EFEMP1: variants seen among roughly 807,000 people sequenced by gnomAD.
The protein encoded by EFEMP1 is EGF-containing fibulin-like extracellular matrix protein 1.
In EFEMP1, 18 loss-of-function variants were observed where a neutral mutation model predicts 65.7. The ratio of observed to expected loss-of-function variants is 0.27; its 90% CI spans 0.19 to 0.41. EFEMP1 has a LOEUF of 0.41. Among genes scored for constraint, EFEMP1 ranks in the 10% least tolerant of loss-of-function variants. The pLI, the probability that EFEMP1 is intolerant of heterozygous loss-of-function variation, is 1.00. For missense variants in EFEMP1, 469 were observed against 624.8 expected (o/e 0.75, Z 2.66); for synonymous variants, 237 against 219.7 (o/e 1.08, Z -0.70).
chr2:55,917,904 C>G lies in EFEMP1; in HGVS notation c.278G>C (p.Gly93Ala). The G allele has an allele frequency of 6.2e-7, 1 of 1,614,146 alleles. No individual in the cohort carries two copies. The highest frequency in any genetic ancestry group is 8.5e-7 in the Non-Finnish European group (1 of 1,180,024). Residue 93 changes from glycine (G) to alanine (A), a missense_variant, in exon 5 of 12, where the codon GGA becomes GCA. By Grantham distance (60) the Gly-to-Ala change is moderately conservative. Around this residue, in one of 3 missense-constraint regions of EFEMP1, gnomAD observed 399 missense variants for 528.2 expected, o/e 0.76. Coordinates refer to ENST00000355426, the MANE Select transcript of EFEMP1 (RefSeq NM_001039348.3). This position sits in a 1 kb window ranked among gnomAD's most constrained non-coding sequence, Gnocchi z 6.3. ...QPQQETQPAE[G>A]TSGATTGVVA... is the part of the protein sequence containing the mutation. ...AACCCCGGTGGTTGCCCCTGAGGTT[C>G]CTTCTGCTGGTTGTGTTTCCTGCTG...
Position 55,870,614 on chromosome 2 carries a change from G to T in EFEMP1, c.1320+106C>A. ...TGCCTACACATAAGACACTTTAAATGTTTGCTTTCCTTCCACATGTGGATA... is the reference window on the plus strand; with the variant it reads ...TGCCTACACATAAGACACTTTAAATTTTTGCTTTCCTTCCACATGTGGATA... On this transcript the variant is annotated intron_variant, in intron 11 of 11. Transcript: ENST00000355426. The surrounding 1 kb of genome is among the most constrained non-coding windows in gnomAD (Gnocchi z 5.8). The T allele has an allele frequency of 7.1e-7, 1 of 1,399,542 alleles. No individual in the cohort carries two copies. The highest frequency in any genetic ancestry group is 1.0e-6 in the Non-Finnish European group (1 of 997,748). 86.7% of individuals were successfully genotyped at this position (1,399,542 alleles called of 1,614,324 possible). A position where few individuals can be genotyped will look rare whatever the true frequency, so the allele number is the denominator to read the frequency against.
At position 55,877,144 on chromosome 2, in the gene EFEMP1, C is replaced by G. The variant is rs1382543701; in HGVS notation, c.761-402G>C. ...TATAAGACACTTATACTGATATGGT[C>G]TCTCAGCATGCTGTACTGAAGATTT... On this transcript the variant is annotated intron_variant, in intron 7 of 11. Transcript: ENST00000355426. This position sits in a 1 kb window ranked among gnomAD's most constrained non-coding sequence, Gnocchi z 4.5. Among the ~76,000 whole-genome samples, 1 of 152,086 alleles carries G rather than the reference C, an allele frequency of 6.6e-6. No homozygotes were observed. The highest frequency in any genetic ancestry group is 2.4e-5 in the African/African-American group (1 of 41,400).
At position 55,923,682 on chromosome 2, in the gene EFEMP1, C is replaced by A; in HGVS notation, c.-49+29G>T. The A allele has an allele frequency of 3.1e-5, 31 of 985,770 alleles. No individual in the cohort carries two copies. The highest frequency in any genetic ancestry group is 3.5e-5 in the Non-Finnish European group (29 of 830,318). The allele number at this position is 985,770 out of a possible 1,614,324, so 61.1% of individuals were successfully genotyped here. On this transcript the variant is annotated intron_variant, in intron 1 of 11. Coordinates refer to ENST00000355426, the MANE Select transcript of EFEMP1 (RefSeq NM_001039348.3). The surrounding 1 kb of genome is among the most constrained non-coding windows in gnomAD (Gnocchi z 5.3). ...CGGCCCAGTGAGTACTGGGCTCGCTCGGGGCGACCCCCCGTTGGGGGCTCC... is the reference window on the plus strand; with the variant it reads ...CGGCCCAGTGAGTACTGGGCTCGCTAGGGGCGACCCCCCGTTGGGGGCTCC...
rs1669310880 is a variant in EFEMP1 at position 55,883,215 on chromosome 2, G to A, written c.518-1481C>T. On this transcript the variant is annotated intron_variant, in intron 5 of 11. Transcript: ENST00000355426. This position sits in a 1 kb window ranked among gnomAD's most constrained non-coding sequence, Gnocchi z 4.5. ...CCACTTACGTAATTCTTTGAACTTG[G>A]TTTTAAAGTTTTGGCTAAGGTTTTT... Among the ~76,000 whole-genome samples, 1 of 152,036 alleles carries A rather than the reference G, an allele frequency of 6.6e-6. No individual in the cohort carries two copies. Among genetic ancestry groups the A allele is most frequent in the African/African-American group, 2.4e-5 (1 of 41,394 alleles).
At chr2:55,906,019 G>T in intron 5 of EFEMP1, among the ~76,000 whole-genome samples, 1 of 151,988 alleles carries the variant, frequency 6.6e-6, no homozygotes, top group East Asian at 1.9e-4. Flanking sequence ...CAATAGTTTT[G>T]CTATTTAACA....
chr2:55,881,732 T>G lies in EFEMP1; in HGVS notation c.520A>C (p.Ile174Leu). The change falls in exon 6 of 12, where the codon ATA becomes CTA. Residue 174 changes from isoleucine (I) to leucine (L), a missense_variant and splice_region_variant. By Grantham distance (5) the Ile-to-Leu change is conservative (BLOSUM62 2). Transcript: ENST00000355426. The part of the protein sequence containing the change: ...EQSEHNVCQD[I>L]DECTAGTHNC... Reference sequence around the variant, plus strand: ...TGCGTCCCTGCAGTGCACTCGTCTATGTCTGTCAGAGACATGCAACACAGA... The same window carrying G: ...TGCGTCCCTGCAGTGCACTCGTCTAGGTCTGTCAGAGACATGCAACACAGA... The G allele has an allele frequency of 6.2e-7, 1 of 1,613,942 alleles. No homozygotes were observed. Among genetic ancestry groups the G allele is most frequent in the Non-Finnish European group, 8.5e-7 (1 of 1,179,866 alleles).
chr2:55,923,265 C>A lies in EFEMP1; in HGVS notation c.-48-326G>T, dbSNP rs1015634906. ...CCGGAACCAGGGATCGCACCGCAGC[C>A]CAAGGTACCAGTTTCGGGCGGGCGG... On this transcript the variant is annotated intron_variant, in intron 1 of 11. Transcript: ENST00000355426. This position sits in a 1 kb window ranked among gnomAD's most constrained non-coding sequence, Gnocchi z 5.3. 3.9e-5 allele frequency among the ~76,000 whole-genome samples: 6 copies of A among 152,158 alleles called. No individual in the cohort carries two copies. The highest frequency in any genetic ancestry group is 1.2e-4 in the African/African-American group (5 of 41,448).
At chr2:55,882,458 A>G (rs1669274835) in intron 5 of EFEMP1, among the ~76,000 whole-genome samples, 1 of 152,198 alleles carries the variant, frequency 6.6e-6, no homozygotes, top group African/African-American at 2.4e-5. Context: ...CTTAATGAGT[A>G]TGCAGGTTAC....
intron 5 of EFEMP1, among the ~76,000 whole-genome samples, chr2:55,882,821 C>T (rs1669293042): frequency 6.6e-6 from 1 of 152,046 alleles, no homozygotes; most frequent in South Asian, 2.1e-4. Context: ...ACCCCTGAGG[C>T]AGATTTCAGA....
At chr2:55,909,630 C>T (rs916569353) in intron 5 of EFEMP1, among the ~76,000 whole-genome samples, 2 of 152,166 alleles carry the variant, frequency 1.3e-5, no homozygotes, top group Non-Finnish European at 2.9e-5. Flanking sequence ...CCCAAATGCC[C>T]CATTCCAGCG....
In EFEMP1 at chr2:55,867,561, G is replaced by C. The variant is rs536531635; in HGVS notation, c.1321-327C>G. On this transcript the variant is annotated intron_variant, in intron 11 of 11. Transcript: ENST00000355426. The surrounding 1 kb of genome is among the most constrained non-coding windows in gnomAD (Gnocchi z 4.3). ...GAGACTAGAGCTTAAGTGAGAATCT[G>C]ATAATTTCTAAACTTGTAAACAAAG... 6.6e-6 allele frequency among the ~76,000 whole-genome samples: 1 copy of C among 151,824 alleles called. No individual in the cohort carries two copies. Among genetic ancestry groups the C allele is most frequent in the Non-Finnish European group, 1.5e-5 (1 of 67,984 alleles).
intron 5 of EFEMP1, among the ~76,000 whole-genome samples, chr2:55,900,326 A>C: frequency 2.2e-5 from 3 of 138,756 alleles, no homozygotes; most frequent in Non-Finnish European, 3.1e-5. Flanking sequence ...CCCCCCACCA[A>C]CTCTCACTGC....
At chr2:55,915,522 T>C (rs1258324098) in intron 5 of EFEMP1, among the ~76,000 whole-genome samples, 1 of 152,242 alleles carries the variant, frequency 6.6e-6, no homozygotes, top group Non-Finnish European at 1.5e-5. Context: ...ATATATTTTA[T>C]TCTAGGACCT....
chr2:55,918,302 C>T (rs1572851630), intron 3 of EFEMP1, 35 bp from the exon 4 acceptor site: 1 of 1,612,806 alleles, frequency 6.2e-7, no homozygotes, highest in Non-Finnish European at 8.5e-7. Context: ...GGCCAGGAGA[C>T]AGTTAATTGG....
In EFEMP1 at chr2:55,898,802, C is replaced by T. The variant is rs757697727; in HGVS notation, c.518-17068G>A. On this transcript the variant is annotated intron_variant, in intron 5 of 11. Coordinates refer to ENST00000355426, the MANE Select transcript of EFEMP1 (RefSeq NM_001039348.3). ...TTCCGATCTTGTTTCCTGCTGCACC[C>T]ACAGTACCTGCCTTGCCTCAACCCA... Among the ~76,000 whole-genome samples the T allele has an allele frequency of 6.6e-5, 10 of 152,122 alleles. 1 individual carries two copies. In the South Asian group the frequency reaches 8.3e-4, roughly 13 times the overall value.
rs1558457539 is a variant in EFEMP1, at chr2:55,870,678, C to T, written c.1320+42G>A. The T allele has an allele frequency of 1.9e-6, 3 of 1,605,144 alleles. No homozygotes were observed. The highest frequency in any genetic ancestry group is 1.7e-6 in the Non-Finnish European group (2 of 1,172,938). ...ACAACAACAACAACAACAACAAACT[C>T]CCATCTTTCTCAATAGTTAAGGCTG... On this transcript the variant is annotated intron_variant, in intron 11 of 11. Coordinates refer to ENST00000355426, the MANE Select transcript of EFEMP1 (RefSeq NM_001039348.3). The surrounding 1 kb of genome is among the most constrained non-coding windows in gnomAD (Gnocchi z 5.8).
rs1329651329 is a variant in EFEMP1 at position 55,923,676 on chromosome 2, C to A, written c.-49+35G>T. 1.9e-5 allele frequency: 19 copies of A among 985,718 alleles called. No individual in the cohort carries two copies. Among genetic ancestry groups the A allele is most frequent in the Non-Finnish European group, 2.3e-5 (19 of 830,362 alleles). The allele number at this position is 985,718 out of a possible 1,614,324, so 61.1% of individuals were successfully genotyped here. ...CGCGCGCGGCCCAGTGAGTACTGGGCTCGCTCGGGGCGACCCCCCGTTGGG... is the reference window on the plus strand; with the variant it reads ...CGCGCGCGGCCCAGTGAGTACTGGGATCGCTCGGGGCGACCCCCCGTTGGG... On this transcript the variant is annotated intron_variant, in intron 1 of 11. Coordinates refer to ENST00000355426, the MANE Select transcript of EFEMP1 (RefSeq NM_001039348.3). This position sits in a 1 kb window ranked among gnomAD's most constrained non-coding sequence, Gnocchi z 5.3.
chr2:55,893,146 A>G (rs1235232352), intron 5 of EFEMP1, among the ~76,000 whole-genome samples: 5 of 152,050 alleles, frequency 3.3e-5, no homozygotes, highest in African/African-American at 1.2e-4. Context: ...TCAATTACGA[A>G]TCTCTTTTCA....
In EFEMP1 at chr2:55,867,299, G is replaced by A; in HGVS notation, c.1321-65C>T. 1 of 1,538,824 alleles carries A rather than the reference G, an allele frequency of 6.5e-7. No individual in the cohort carries two copies. The highest frequency in any genetic ancestry group is 8.9e-7 in the Non-Finnish European group (1 of 1,127,778). ...TCTTGGATTGGAGTTTCTATGCTTT[G>A]TTAGTATACCTCCTATAAGAATTAG... On this transcript the variant is annotated intron_variant, in intron 11 of 11. Transcript: ENST00000355426. This position sits in a 1 kb window ranked among gnomAD's most constrained non-coding sequence, Gnocchi z 4.3.
Sources: gnomAD v4.1 joint callset for allele counts (sites outside exome capture counted in the v4.1 genomes callset) on GRCh38, gnomAD v4.1.1 for gene constraint, gnomAD v4.1.1 regional missense constraint, Gnocchi (gnomAD v3.1) non-coding constraint, MANE v1.5 for transcripts, NCBI Gene and HGNC (gene_info 2026-07-23, HGNC 2026-07-21) for gene names.